FAR1: variants seen among roughly 807,000 people sequenced by gnomAD.
FAR1 encodes male sterility domain-containing protein 2.
A neutral mutation model predicts 61.1 loss-of-function variants in FAR1; 22 were observed. That is an observed-to-expected ratio of 0.36 (90% confidence interval 0.26 to 0.51). FAR1 has a LOEUF of 0.51. Ranked by LOEUF, FAR1 falls within the 20% of genes least tolerant of loss-of-function variation. FAR1 has a pLI of 0.95. For missense variants in FAR1, 359 were observed against 626.9 expected, an observed-to-expected ratio of 0.57 and a Z score of 4.56; for synonymous variants, 206 against 209.7, an observed-to-expected ratio of 0.98 and a Z score of 0.15.
At chr11:13,689,391 C>A (rs1391071942) in intron 1 of FAR1, among the ~76,000 whole-genome samples, 2 of 152,154 alleles carry the variant, frequency 1.3e-5, no homozygotes, top group Non-Finnish European at 2.9e-5. Flanking sequence ...TAAATGGCAT[C>A]ATATAGTAGT....
Position 13,711,967 on chromosome 11 carries a change from A to C in FAR1, c.808A>C (p.Asn270His). The C allele has an allele frequency of 6.2e-7, 1 of 1,613,434 alleles. No homozygotes were observed. Among genetic ancestry groups the C allele is most frequent in the Non-Finnish European group, 8.5e-7 (1 of 1,179,504 alleles). Reference protein sequence around the residue: ...GILRTIRASNNALADLVPVDV... With the variant: ...GILRTIRASNHALADLVPVDV... ...TCTTCGAACAATACGTGCCTCCAAC[A>C]ATGCCCTTGCAGATCTTGTTCCTGT... The change falls in exon 7 of 12, where the codon AAT (asparagine) becomes CAT (histidine). Residue 270 changes from asparagine to histidine, a missense_variant. Physicochemically the swap from Asn to His is moderately conservative, Grantham distance 68. Transcript: ENST00000354817.
chr11:13,713,124 T>A, intron 8 of FAR1, 91 bp downstream of exon 8: 1 of 1,082,218 alleles, frequency 9.2e-7, no homozygotes, highest in Non-Finnish European at 1.4e-6. Context: ...TATGAGGCAT[T>A]AAGGCCACTG....
chr11:13,670,115 G>A (rs945484386), intron 1 of FAR1: 3 of 152,136 alleles, frequency 2.0e-5, no homozygotes, highest in Non-Finnish European at 1.5e-5. Flanking sequence ...CGCCCAGGCT[G>A]GAGTGCAGTG....
intron 4 of FAR1, 70 bp downstream of exon 4, chr11:13,708,149 G>A (rs1473833445): frequency 8.9e-7 from 1 of 1,129,380 alleles, no homozygotes; most frequent in Non-Finnish European, 1.2e-6. Context: ...GGATCATGAG[G>A]TCAGGAGTTC....
intron 1 of FAR1, chr11:13,669,701 A>ATT (rs1176499866): frequency 6.6e-6 from 1 of 152,190 alleles, no homozygotes; most frequent in Non-Finnish European, 1.5e-5. Flanking sequence ...AATACTCAAA[A>ATT]GAGTTTTTAA....
At chr11:13,699,332 T>A (rs565923683) in intron 2 of FAR1, among the ~76,000 whole-genome samples, 1 of 152,224 alleles carries the variant, frequency 6.6e-6, no homozygotes, top group Admixed American at 6.5e-5. Flanking sequence ...TATGAAATAC[T>A]CAGTAAGTTT....
chr11:13,717,567 T>C (rs989476781), intron 9 of FAR1, among the ~76,000 whole-genome samples: 3 of 152,216 alleles, frequency 2.0e-5, no homozygotes, highest in Non-Finnish European at 4.4e-5. Context: ...GCATAAAAAC[T>C]GGCCTGTGGG....
intron 1 of FAR1, among the ~76,000 whole-genome samples, chr11:13,682,007 A>G (rs559626746): frequency 6.6e-6 from 1 of 152,304 alleles, no homozygotes; most frequent in Admixed American, 6.5e-5. Context: ...TTTCTGCAAA[A>G]TAATACAACC....
At chr11:13,681,301 C>CA (rs908212848) in intron 1 of FAR1, among the ~76,000 whole-genome samples, 3 of 152,156 alleles carry the variant, frequency 2.0e-5, no homozygotes, top group African/African-American at 7.2e-5. Flanking sequence ...ATAGGTCCAA[C>CA]ATGGGTTGGT....
At position 13,708,176 on chromosome 11, in the gene FAR1, A is replaced by C. The variant is rs537814991; in HGVS notation, c.545+97A>C. On this transcript the variant is annotated intron_variant, in intron 4 of 11. Transcript: ENST00000354817. ...CAGGAGTTCAAGAGCAGCCAGGCCA[A>C]CATAGTGAAACCCCATCTCACTAAA... is the stretch of plus-strand genomic sequence containing the variant. 1.0e-4 allele frequency: 77 copies of C among 757,644 alleles called. No individual in the cohort carries two copies. The African/African-American group carries it at 1.2e-3, about 12-fold the overall frequency. The allele number at this position is 757,644 out of a possible 1,614,324, so 46.9% of individuals were successfully genotyped here. A position where few individuals can be genotyped will look rare whatever the true frequency, so the allele number is the denominator to read the frequency against.
rs1362086290 is a variant in FAR1, at chr11:13,691,188, A to G, written c.-7-3571A>G. Among the ~76,000 whole-genome samples, 3 of 152,292 alleles carry G rather than the reference A, an allele frequency of 2.0e-5. No homozygotes were observed. In the East Asian group the frequency reaches 5.8e-4, roughly 29 times the overall value. On this transcript the variant is annotated intron_variant, in intron 1 of 11. Coordinates refer to ENST00000354817, the MANE Select transcript of FAR1 (RefSeq NM_032228.6). ...GGCACGTTGTTGAACCCTCTATGGG[A>G]AAGGAATGTTGTGTCCTCACCTGGC...
At chr11:13,674,566 A>G (rs1485973305) in intron 1 of FAR1, among the ~76,000 whole-genome samples, 1 of 152,124 alleles carries the variant, frequency 6.6e-6, no homozygotes, top group Non-Finnish European at 1.5e-5. Flanking sequence ...AAACTGTATT[A>G]CTGCATTTTA....
intron 1 of FAR1, among the ~76,000 whole-genome samples, chr11:13,677,976 A>G (rs922329890): frequency 1.3e-5 from 2 of 152,254 alleles, no homozygotes; most frequent in Non-Finnish European, 2.9e-5. Context: ...GCCAAACCTA[A>G]TGGTAATTTA....
At chr11:13,699,638 G>T (rs1848348288) in intron 2 of FAR1, among the ~76,000 whole-genome samples, 1 of 152,164 alleles carries the variant, frequency 6.6e-6, no homozygotes, top group Admixed American at 6.5e-5. Context: ...ACTCACAATT[G>T]AATATGCCTT....
chr11:13,704,631 GA>G (rs1465214114), intron 3 of FAR1, among the ~76,000 whole-genome samples: 1 of 152,144 alleles, frequency 6.6e-6, no homozygotes, highest in Non-Finnish European at 1.5e-5. Context: ...ATTGCTGTCA[GA>G]ATCAGCTTTG....
At chr11:13,673,033 C>T (rs114845587) in intron 1 of FAR1, among the ~76,000 whole-genome samples, 386 of 152,266 alleles carry the variant, frequency 2.5e-3, no homozygotes, top group African/African-American at 8.7e-3. Context: ...TTCAGTAAGA[C>T]AAAATGGAAG....
intron 4 of FAR1, among the ~76,000 whole-genome samples, chr11:13,708,836 CCTTA>C (rs1848467855): frequency 6.6e-6 from 1 of 152,042 alleles, no homozygotes; most frequent in South Asian, 2.1e-4. Flanking sequence ...TAATTCATAA[CCTTA>C]CTTTTTATCT....
intron 1 of FAR1, among the ~76,000 whole-genome samples, chr11:13,671,350 G>A (rs1848001816): frequency 6.6e-6 from 1 of 152,280 alleles, no homozygotes; most frequent in African/African-American, 2.4e-5. Context: ...TTGAAGATTC[G>A]AATGAAGATT....
At chr11:13,710,970 T>C in intron 5 of FAR1, 100 bp downstream of exon 5, 1 of 1,030,512 alleles carries the variant, frequency 9.7e-7, no homozygotes, top group Non-Finnish European at 1.4e-6. Context: ...AGGTATTATT[T>C]ACTAAAGGTG....
Sources: allele counts gnomAD v4.1 joint callset (sites outside exome capture counted in the v4.1 genomes callset), GRCh38; gene constraint gnomAD v4.1.1; transcripts MANE v1.5; gene names NCBI Gene and HGNC (gene_info 2026-07-23, HGNC 2026-07-21).